ZMIZ1: variants seen among roughly 807,000 people sequenced by gnomAD.
The protein encoded by ZMIZ1 is zinc finger MIZ-type containing 1, also known as zinc finger MIZ domain-containing protein 1.
Under a neutral mutation model 113.9 loss-of-function variants are expected in ZMIZ1, and 17 were observed. The ratio of observed to expected loss-of-function variants is 0.15; its 90% CI spans 0.10 to 0.22. The LOEUF (loss-of-function observed/expected upper bound fraction) is 0.22, where lower values mean the gene tolerates loss of function less well. Among genes scored for constraint, ZMIZ1 ranks in the 10% least tolerant of loss-of-function variants. The probability of loss-of-function intolerance (pLI) is 1.00; values close to 1 mark genes in which losing one functional copy is unlikely to be tolerated. For missense variants in ZMIZ1, 1,059 were observed against 1,477.8 expected, an observed-to-expected ratio of 0.72 and a Z score of 4.65; for synonymous variants, 607 against 603.1, an observed-to-expected ratio of 1.01 and a Z score of -0.09.
At chr10:79,088,456 A>G (rs1288982873) in intron 1 of ZMIZ1, among the ~76,000 whole-genome samples, 1 of 152,170 alleles carries the variant, frequency 6.6e-6, no homozygotes, top group Non-Finnish European at 1.5e-5. Flanking sequence ...CTGGGTAAAC[A>G]TGGGTGTTCA....
At chr10:79,130,579 G>A (rs1332270484) in intron 2 of ZMIZ1, among the ~76,000 whole-genome samples, 1 of 152,208 alleles carries the variant, frequency 6.6e-6, no homozygotes, top group Non-Finnish European at 1.5e-5. Context: ...TGTCTCCCCA[G>A]CACACATGCA....
intron 8 of ZMIZ1, among the ~76,000 whole-genome samples, chr10:79,277,601 C>G (rs950445705): frequency 1.3e-5 from 2 of 152,222 alleles, no homozygotes; most frequent in Non-Finnish European, 2.9e-5. Context: ...AGCACCTTCC[C>G]TCTTTCTTGA....
intron 4 of ZMIZ1, among the ~76,000 whole-genome samples, chr10:79,183,020 T>A (rs570960280): frequency 6.6e-6 from 1 of 152,298 alleles, no homozygotes; most frequent in South Asian, 2.1e-4. Flanking sequence ...CTCCCTGGAC[T>A]GGGTCACTAA....
At position 79,314,599 on chromosome 10, in the gene ZMIZ1, T is replaced by C; in HGVS notation, c.*1850T>C. 4.2e-6 allele frequency: 1 copy of C among 240,572 alleles called. No individual in the cohort carries two copies. Among genetic ancestry groups the C allele is most frequent in the Non-Finnish European group, 8.3e-6 (1 of 120,090 alleles). 14.9% of individuals were successfully genotyped at this position (240,572 alleles called of 1,614,324 possible). Reference sequence around the variant, plus strand: ...AATATTTTAGTATCGTCTTTGATAATATTCAACATTTTCATGACCTGGTTA... The same window carrying C: ...AATATTTTAGTATCGTCTTTGATAACATTCAACATTTTCATGACCTGGTTA... On this transcript the variant is annotated 3_prime_UTR_variant, in exon 25 of 25. Transcript: ENST00000334512.
At chr10:79,167,457 G>C (rs145411866) in intron 4 of ZMIZ1, among the ~76,000 whole-genome samples, 10 of 152,292 alleles carry the variant, frequency 6.6e-5, no homozygotes, top group Non-Finnish European at 1.3e-4. Context: ...AGCACAGGCT[G>C]TCTCTGTAGG....
At chr10:79,216,129 G>A in intron 6 of ZMIZ1, 40 bp from the exon 7 acceptor site, 3 of 1,418,498 alleles carry the variant, frequency 2.1e-6, no homozygotes, top group Non-Finnish European at 2.8e-6. Context: ...TTGGCTCTGG[G>A]CTCCGTGACT....
At position 79,315,700 on chromosome 10, in the gene ZMIZ1, C is replaced by T. The variant is rs1247308856; in HGVS notation, c.*2951C>T. On this transcript the variant is annotated 3_prime_UTR_variant, in exon 25 of 25. Coordinates refer to ENST00000334512, the MANE Select transcript of ZMIZ1 (RefSeq NM_020338.4). ...CCCCAGAGAGCTACAGGTCTGCTCCCGACGGGCCTCGGGCCTGACCCGTCC... is the reference window on the plus strand; with the variant it reads ...CCCCAGAGAGCTACAGGTCTGCTCCTGACGGGCCTCGGGCCTGACCCGTCC... 2 of 152,782 alleles carry T rather than the reference C, an allele frequency of 1.3e-5. No homozygotes were observed. Among genetic ancestry groups the T allele is most frequent in the African/African-American group, 2.4e-5 (1 of 41,444 alleles). The allele number at this position is 152,782 out of a possible 1,614,324, so 9.5% of individuals were successfully genotyped here.
intron 4 of ZMIZ1, among the ~76,000 whole-genome samples, chr10:79,162,637 C>G (rs1315114482): frequency 6.6e-6 from 1 of 152,208 alleles, no homozygotes; most frequent in South Asian, 2.1e-4. Context: ...TACTCTGTGC[C>G]TCTGTTTACC....
chr10:79,189,859 G>T (rs1847524840), intron 4 of ZMIZ1, among the ~76,000 whole-genome samples: 1 of 152,206 alleles, frequency 6.6e-6, no homozygotes, highest in African/African-American at 2.4e-5. Context: ...TGCTTGGAGG[G>T]TTTCAGGAAT....
chr10:79,249,916 A>G (rs1850444233), intron 7 of ZMIZ1, among the ~76,000 whole-genome samples: 1 of 152,156 alleles, frequency 6.6e-6, no homozygotes, highest in Non-Finnish European at 1.5e-5. Context: ...GTAATTATGA[A>G]ACCCACATCT....
intron 7 of ZMIZ1, among the ~76,000 whole-genome samples, chr10:79,272,388 G>A (rs767083753): frequency 2.6e-5 from 4 of 152,256 alleles, no homozygotes; most frequent in Non-Finnish European, 5.9e-5. Context: ...CTAAGGTCAC[G>A]TAGGTGTGAA....
At chr10:79,261,872 G>A (rs1358969855) in intron 7 of ZMIZ1, among the ~76,000 whole-genome samples, 2 of 152,156 alleles carry the variant, frequency 1.3e-5, no homozygotes, top group Admixed American at 6.5e-5. Context: ...AGGTGCACAC[G>A]CCTGCCAAGA....
intron 7 of ZMIZ1, among the ~76,000 whole-genome samples, chr10:79,225,307 C>A (rs1380709214): frequency 6.6e-6 from 1 of 152,160 alleles, no homozygotes; most frequent in East Asian, 1.9e-4. Context: ...CCTTAAATGG[C>A]AGATCAGTCT....
At chr10:79,147,766 C>T (rs1845552496) in intron 3 of ZMIZ1, among the ~76,000 whole-genome samples, 1 of 152,198 alleles carries the variant, frequency 6.6e-6, no homozygotes, top group Non-Finnish European at 1.5e-5. Flanking sequence ...ACCGCCGAGC[C>T]TCTCATGGAC....
At chr10:79,241,914 T>C (rs987741415) in intron 7 of ZMIZ1, among the ~76,000 whole-genome samples, 4 of 151,974 alleles carry the variant, frequency 2.6e-5, no homozygotes, top group South Asian at 2.1e-4. Context: ...ACAGAGGAGA[T>C]TTTAAAGACA....
intron 2 of ZMIZ1, among the ~76,000 whole-genome samples, chr10:79,122,238 G>A (rs919149202): frequency 6.6e-6 from 1 of 152,076 alleles, no homozygotes; most frequent in Admixed American, 6.5e-5. Flanking sequence ...ATGAGCGATG[G>A]TACCCTCCTG....
intron 22 of ZMIZ1, 57 bp from the exon 23 acceptor site, chr10:79,307,348 G>C: frequency 6.5e-7 from 1 of 1,532,548 alleles, no homozygotes; most frequent in Admixed American, 1.7e-5. Flanking sequence ...TGTTCCCTGG[G>C]GGTGGCCACT....
chr10:79,289,013 G>A (rs555789323), intron 8 of ZMIZ1, among the ~76,000 whole-genome samples: 14 of 152,286 alleles, frequency 9.2e-5, no homozygotes, highest in Admixed American at 2.6e-4. Flanking sequence ...GAGCCAAAGC[G>A]GGGTGAGGGA....
At position 79,270,176 on chromosome 10, in the gene ZMIZ1, C is replaced by T. The variant is rs905631532; in HGVS notation, c.281-7005C>T. On this transcript the variant is annotated intron_variant, in intron 7 of 24. Transcript: ENST00000334512. ...CATCCTCACTCAGGCCTGCCTCACC[C>T]GACATCTGGTTTCATTTTTTCCCCC... 1.2e-4 allele frequency among the ~76,000 whole-genome samples: 19 copies of T among 152,356 alleles called. No individual in the cohort carries two copies. In the Middle Eastern group the frequency reaches 0.01, roughly 82 times the overall value.
Sources: allele counts gnomAD v4.1 joint callset (sites outside exome capture counted in the v4.1 genomes callset), GRCh38; gene constraint gnomAD v4.1.1; transcripts MANE v1.5; gene names NCBI Gene and HGNC (gene_info 2026-07-23, HGNC 2026-07-21).